The following FARS2 variants were observed in gnomAD, a reference collection of about 807,000 sequenced individuals.
The protein encoded by FARS2 is phenylalanine--tRNA ligase, mitochondrial.
FARS2 carries 40 observed loss-of-function variants against 46.4 expected under a neutral mutation model. The ratio of observed to expected loss-of-function variants is 0.86; its 90% CI spans 0.67 to 1.12. The LOEUF (loss-of-function observed/expected upper bound fraction) is 1.12. Ranked by LOEUF, FARS2 falls within the 50% of genes most tolerant of loss-of-function variation. The pLI, the probability that FARS2 is intolerant of heterozygous loss-of-function variation, is 0.00. For synonymous variants in FARS2, 234 were observed against 214.9 expected (o/e 1.09, Z -0.78); for missense variants, 513 against 567.9 (o/e 0.90, Z 0.98).
intron 3 of FARS2, among the ~76,000 whole-genome samples, chr6:5,408,240 C>T (rs1761729103): frequency 6.6e-6 from 1 of 152,200 alleles, no homozygotes; most frequent in African/African-American, 2.4e-5. Flanking sequence ...GGCGCCTCCT[C>T]CTGAGCCCAG....
upstream of FARS2, chr6:5,260,724 A>G: frequency 1.3e-6 from 2 of 1,545,354 alleles, no homozygotes; most frequent in African/African-American, 1.4e-5. Flanking sequence ...GCGCGACTGG[A>G]GGCTGCCATT....
At chr6:5,450,083 T>G (rs1244655554) in intron 4 of FARS2, among the ~76,000 whole-genome samples, 1 of 152,248 alleles carries the variant, frequency 6.6e-6, no homozygotes, top group East Asian at 1.9e-4. Context: ...ACAATCCGTG[T>G]AGAAGTGAAC....
At chr6:5,403,217 T>C (rs1357450371) in intron 2 of FARS2, among the ~76,000 whole-genome samples, 2 of 152,208 alleles carry the variant, frequency 1.3e-5, no homozygotes, top group African/African-American at 4.8e-5. Flanking sequence ...TTAGAGGAAG[T>C]ATGTCTGGGA....
At chr6:5,321,894 C>T (rs1770002885) in intron 1 of FARS2, among the ~76,000 whole-genome samples, 1 of 152,170 alleles carries the variant, frequency 6.6e-6, no homozygotes, top group Non-Finnish European at 1.5e-5. Context: ...ATGACACACA[C>T]AGAGTAGAGC....
intron 6 of FARS2, among the ~76,000 whole-genome samples, chr6:5,639,229 G>T (rs1300533168): frequency 1.3e-5 from 2 of 152,092 alleles, no homozygotes; most frequent in East Asian, 3.9e-4. Context: ...TCAAAGCAAG[G>T]TACTGGATTT....
chr6:5,397,103 T>C (rs539617099), intron 2 of FARS2, among the ~76,000 whole-genome samples: 214 of 152,248 alleles, frequency 1.4e-3, no homozygotes, highest in African/African-American at 4.7e-3. Context: ...GTAATAAAAA[T>C]GGTTTTTAAC....
At chr6:5,534,826 C>T (rs148749910) in intron 4 of FARS2, among the ~76,000 whole-genome samples, 172 of 151,936 alleles carry the variant, frequency 1.1e-3, no homozygotes, top group African/African-American at 1.2e-3. Flanking sequence ...CACACATGCA[C>T]GCACACACAC....
chr6:5,543,548 A>T (rs1041502358), intron 4 of FARS2, among the ~76,000 whole-genome samples: 11 of 152,050 alleles, frequency 7.2e-5, no homozygotes, highest in African/African-American at 2.7e-4. Flanking sequence ...TACTTTTGGT[A>T]GAGACGGGGT....
At chr6:5,669,205 G>A (rs113831291) in intron 6 of FARS2, among the ~76,000 whole-genome samples, 41 of 152,170 alleles carry the variant, frequency 2.7e-4, no homozygotes, top group African/African-American at 9.2e-4. Context: ...CCTTGACACG[G>A]AGCAGACGTG....
intron 6 of FARS2, among the ~76,000 whole-genome samples, chr6:5,619,301 A>G (rs1775640328): frequency 6.6e-6 from 1 of 152,110 alleles, no homozygotes; most frequent in South Asian, 2.1e-4. Context: ...TTTGATTGCA[A>G]GGAGGGGTTT....
intron 6 of FARS2, among the ~76,000 whole-genome samples, chr6:5,671,243 G>C (rs1778440335): frequency 6.6e-6 from 1 of 152,220 alleles, no homozygotes; most frequent in Admixed American, 6.5e-5. Context: ...GTGTCCATGA[G>C]TACCTCAGAA....
At chr6:5,369,562 T>C (rs191259611) in intron 2 of FARS2, among the ~76,000 whole-genome samples, 1 of 152,268 alleles carries the variant, frequency 6.6e-6, no homozygotes, top group East Asian at 1.9e-4. Context: ...TTAATTCTGT[T>C]AGGAGAAGTA....
intron 4 of FARS2, among the ~76,000 whole-genome samples, chr6:5,535,021 C>G (rs2150469119): frequency 6.6e-6 from 1 of 152,306 alleles, no homozygotes; most frequent in South Asian, 2.1e-4. Context: ...ACATCCTTCT[C>G]AACACTTTTT....
At chr6:5,769,154 G>T (rs566815267) in intron 6 of FARS2, among the ~76,000 whole-genome samples, 35 of 152,324 alleles carry the variant, frequency 2.3e-4, no homozygotes, top group African/African-American at 8.2e-4. Context: ...GTTTGTGTGT[G>T]TGTGGTGTGA....
At chr6:5,540,299 A>G (rs1393118576) in intron 4 of FARS2, among the ~76,000 whole-genome samples, 1 of 152,132 alleles carries the variant, frequency 6.6e-6, no homozygotes, top group Non-Finnish European at 1.5e-5. Flanking sequence ...TACCTTTTAG[A>G]TGGTATTTAT....
intron 1 of FARS2, among the ~76,000 whole-genome samples, chr6:5,328,065 T>G (rs1005950230): frequency 2.6e-5 from 4 of 152,222 alleles, no homozygotes; most frequent in Non-Finnish European, 5.9e-5. Flanking sequence ...GTACCTGCAA[T>G]TCATGTCATT....
At chr6:5,273,731 C>A (rs1348925291) in intron 1 of FARS2, among the ~76,000 whole-genome samples, 2 of 152,086 alleles carry the variant, frequency 1.3e-5, no homozygotes, top group African/African-American at 4.8e-5. Flanking sequence ...GAGGTCTTCA[C>A]AAAAAATCTT....
At chr6:5,699,877 G>C (rs1758315315) in intron 6 of FARS2, among the ~76,000 whole-genome samples, 1 of 152,070 alleles carries the variant, frequency 6.6e-6, no homozygotes, top group African/African-American at 2.4e-5. Flanking sequence ...ATCTTTTAAA[G>C]CTCTCAGGTG....
At chr6:5,365,776 A>T (rs953561087) in intron 1 of FARS2, among the ~76,000 whole-genome samples, 1 of 152,152 alleles carries the variant, frequency 6.6e-6, no homozygotes, top group Non-Finnish European at 1.5e-5. Context: ...CTGATAACAT[A>T]AACAATTGAT....
Sources: gnomAD v4.1 joint callset for allele counts (sites outside exome capture counted in the v4.1 genomes callset) on GRCh38, gnomAD v4.1.1 for gene constraint, MANE v1.5 for transcripts, NCBI Gene and HGNC (gene_info 2026-07-23, HGNC 2026-07-21) for gene names.